Variants in GATA3 observed in about 807,000 individuals in gnomAD.
The protein encoded by GATA3 is trans-acting T-cell-specific transcription factor GATA-3.
In GATA3, 6 loss-of-function variants were observed where a neutral mutation model predicts 36.0. That is an observed-to-expected ratio of 0.17 (90% CI 0.09 to 0.33). The LOEUF is 0.33. Ranked by LOEUF, GATA3 falls within the 10% of genes least tolerant of loss-of-function variation. The pLI is 1.00. For missense variants in GATA3, 514 were observed against 610.1 expected (o/e 0.84, Z 1.66); for synonymous variants, 326 against 273.0 (o/e 1.19, Z -1.92).
upstream of GATA3, among the ~76,000 whole-genome samples, chr10:8,053,943 G>GCA (rs1564395911): frequency 6.6e-6 from 1 of 152,106 alleles, no homozygotes; most frequent in Non-Finnish European, 1.5e-5. This position sits in a 1 kb window ranked among gnomAD's most constrained non-coding sequence, Gnocchi z 5.1. Context: ...CAAGTCAAAA[G>GCA]CACACATTGA....
chr10:8,070,054 T>C (rs987638887), intron 5 of GATA3, among the ~76,000 whole-genome samples: 1 of 152,222 alleles, frequency 6.6e-6, no homozygotes, highest in Non-Finnish European at 1.5e-5. Flanking sequence ...ATTTGGTTAC[T>C]GAGAGGTAAA....
In GATA3 at chr10:8,054,958, A is replaced by C. The variant is rs1832597539; in HGVS notation, c.-370+67A>C. 6.3e-6 allele frequency: 1 copy of C among 158,202 alleles called. No individual in the cohort carries two copies. Among genetic ancestry groups the C allele is most frequent in the Non-Finnish European group, 1.4e-5 (1 of 71,876 alleles). 9.8% of individuals were successfully genotyped at this position (158,202 alleles called of 1,614,324 possible). ...TGCCCCCAACCACTTGGGAGGACCT[A>C]AATCAATTTTAAAAACTCAACTCTC... On this transcript the variant is annotated intron_variant, in intron 1 of 5. Coordinates refer to ENST00000379328, the MANE Select transcript of GATA3 (RefSeq NM_001002295.2). The surrounding 1 kb of genome is among the most constrained non-coding windows in gnomAD (Gnocchi z 4.2).
intron 2 of GATA3, among the ~76,000 whole-genome samples, chr10:8,058,020 C>T (rs1334720272): frequency 2.0e-5 from 3 of 152,188 alleles, no homozygotes; most frequent in Non-Finnish European, 2.9e-5. Flanking sequence ...CCTTCTCCCC[C>T]TCTGCAGCAA....
intron 3 of GATA3, among the ~76,000 whole-genome samples, chr10:8,060,950 C>T (rs1041284394): frequency 1.3e-5 from 2 of 152,016 alleles, no homozygotes; most frequent in Non-Finnish European, 2.9e-5. Flanking sequence ...GCAGGGGCGG[C>T]GAGCGAGCTG....
upstream of GATA3, chr10:8,052,621 A>G (rs1832526474): frequency 6.6e-6 from 1 of 152,052 alleles, no homozygotes; most frequent in African/African-American, 2.4e-5. Flanking sequence ...AGCATTTTTC[A>G]TTTTTTCTTT....
At chr10:8,056,247 C>T (rs1832636390) in intron 2 of GATA3, among the ~76,000 whole-genome samples, 1 of 152,158 alleles carries the variant, frequency 6.6e-6, no homozygotes, top group South Asian at 2.1e-4. Context: ...GGCTCTGCCT[C>T]CGCGGGTCCG....
At chr10:8,070,611 G>A (rs1034251584) in intron 5 of GATA3, among the ~76,000 whole-genome samples, 1 of 152,000 alleles carries the variant, frequency 6.6e-6, no homozygotes, top group African/African-American at 2.4e-5. Flanking sequence ...TGCTTGCGGC[G>A]GTTCTGGCAA....
intron 5 of GATA3, among the ~76,000 whole-genome samples, chr10:8,070,778 C>T (rs1429917059): frequency 2.0e-5 from 3 of 152,240 alleles, no homozygotes; most frequent in African/African-American, 7.2e-5. Flanking sequence ...GCCCTGTACG[C>T]TCATTCCCTG....
In GATA3 at chr10:8,058,179, C is replaced by T. The variant is rs1425290029; in HGVS notation, c.242-126C>T. The T allele has an allele frequency of 3.8e-6, 4 of 1,058,226 alleles. No individual in the cohort carries two copies. The African/African-American group carries it at 4.7e-5, about 12-fold the overall frequency. The allele number at this position is 1,058,226 out of a possible 1,614,324, so 65.6% of individuals were successfully genotyped here. On this transcript the variant is annotated intron_variant, in intron 2 of 5. Coordinates refer to ENST00000379328, the MANE Select transcript of GATA3 (RefSeq NM_001002295.2). Reference sequence around the variant, plus strand: ...GGACCGCCAGGATGAGAGAGTGGGCCTGAGCCCGGGCTTTTGCTGAAAAGG... The same window carrying T: ...GGACCGCCAGGATGAGAGAGTGGGCTTGAGCCCGGGCTTTTGCTGAAAAGG...
chr10:8,067,245 G>A (rs1301529368), intron 4 of GATA3, among the ~76,000 whole-genome samples: 1 of 152,196 alleles, frequency 6.6e-6, no homozygotes, highest in Non-Finnish European at 1.5e-5. Context: ...TTACATTCAA[G>A]ATGGACAGCA....
intron 4 of GATA3, among the ~76,000 whole-genome samples, chr10:8,066,267 A>G (rs751179799): frequency 1.1e-4 from 17 of 152,150 alleles, no homozygotes; most frequent in Non-Finnish European, 2.2e-4. Flanking sequence ...GGAAATCTCT[A>G]GAACTCTGAG....
At chr10:8,050,304 CG>C (rs1320562216), upstream of GATA3, 1 of 152,280 alleles carries the variant, frequency 6.6e-6, no homozygotes, top group African/African-American at 2.4e-5. Flanking sequence ...AAGGCCCCGC[CG>C]GGCCGCTCTC....
At position 8,055,558 on chromosome 10, in the gene GATA3, T is replaced by A; in HGVS notation, c.-98T>A. 1.7e-6 allele frequency: 2 copies of A among 1,196,700 alleles called. No homozygotes were observed. Among genetic ancestry groups the A allele is most frequent in the Non-Finnish European group, 2.2e-6 (2 of 918,520 alleles). The allele number at this position is 1,196,700 out of a possible 1,614,324, so 74.1% of individuals were successfully genotyped here. A position where few individuals can be genotyped will look rare whatever the true frequency, so the allele number is the denominator to read the frequency against. ...CAAATCATTCAACGACCCCCGACCC[T>A]CCGACGGCAGGAGCCCCCCGACCTC... On this transcript the variant is annotated 5_prime_UTR_variant, in exon 2 of 6. Coordinates refer to ENST00000379328, the MANE Select transcript of GATA3 (RefSeq NM_001002295.2). This position sits in a 1 kb window ranked among gnomAD's most constrained non-coding sequence, Gnocchi z 5.4.
rs773078501 is a variant in GATA3, at chr10:8,058,374, G to T, written c.311G>T (p.Gly104Val). 1 of 1,612,740 alleles carries T rather than the reference G, an allele frequency of 6.2e-7. No homozygotes were observed. The highest frequency in any genetic ancestry group is 8.5e-7 in the Non-Finnish European group (1 of 1,179,990). The stretch of plus-strand genomic sequence containing the variant: ...TGGCTGGACGGCGGCAAAGCCCTGG[G>T]CAGCCACCACACCGCCTCCCCCTGG... ...LPWLDGGKAL[G>V]SHHTASPWNL... The change falls in exon 3 of 6, where the codon GGC (glycine) becomes GTC (valine). Residue 104 changes from glycine (G) to valine (V), a missense_variant. Around this residue, in one of 3 missense-constraint regions of GATA3, gnomAD observed 381 missense variants for 354.3 expected, o/e 1.08. Transcript: ENST00000379328.
intron 5 of GATA3, among the ~76,000 whole-genome samples, chr10:8,069,823 C>T (rs1479997996): frequency 6.6e-6 from 1 of 151,952 alleles, no homozygotes; most frequent in African/African-American, 2.4e-5. Flanking sequence ...CCTTGGTATG[C>T]ATTGGACACT....
rs1449853269 is a variant in GATA3, at chr10:8,055,510, C to G, written c.-146C>G. On this transcript the variant is annotated 5_prime_UTR_variant, in exon 2 of 6. Coordinates refer to ENST00000379328, the MANE Select transcript of GATA3 (RefSeq NM_001002295.2). The surrounding 1 kb of genome is among the most constrained non-coding windows in gnomAD (Gnocchi z 5.4). ...TCCTTTGCTCACCTTTGCTTCCCAG[C>G]CTTCCCATCCCCCCACCGAAAGCAA... 1.1e-5 allele frequency: 10 copies of G among 874,890 alleles called. No homozygotes were observed. Among genetic ancestry groups the G allele is most frequent in the Non-Finnish European group, 1.7e-6 (1 of 576,944 alleles). 54.2% of individuals were successfully genotyped at this position (874,890 alleles called of 1,614,324 possible).
At position 8,074,477 on chromosome 10, in the gene GATA3, C is replaced by T. The variant is rs1273044168; in HGVS notation, c.*454C>T. 1 of 239,112 alleles carries T rather than the reference C, an allele frequency of 4.2e-6. No individual in the cohort carries two copies. The highest frequency in any genetic ancestry group is 8.2e-6 in the Non-Finnish European group (1 of 122,678). The allele number at this position is 239,112 out of a possible 1,614,324, so 14.8% of individuals were successfully genotyped here. The stretch of plus-strand genomic sequence containing the variant: ...TGCCAGTTTTGTTTCCTTTCACTGG[C>T]CACAGTTGTTTGATGCATTAAAAGA... On this transcript the variant is annotated 3_prime_UTR_variant, in exon 6 of 6. Transcript: ENST00000379328.
intron 5 of GATA3, among the ~76,000 whole-genome samples, chr10:8,072,082 A>C (rs1226340641): frequency 6.6e-6 from 1 of 152,086 alleles, no homozygotes; most frequent in Non-Finnish European, 1.5e-5. Context: ...TCTGGCAGTG[A>C]CCTTTCTGGG....
At chr10:8,046,722 T>C (rs1199695868) in intron 1 of GATA3, among the ~76,000 whole-genome samples, 1 of 150,268 alleles carries the variant, frequency 6.7e-6, no homozygotes, top group Admixed American at 6.6e-5. Flanking sequence ...GTTTGTGCCA[T>C]TCAGAAGAAC....
Sources: gnomAD v4.1 joint callset for allele counts (sites outside exome capture counted in the v4.1 genomes callset) on GRCh38, gnomAD v4.1.1 for gene constraint, gnomAD v4.1.1 regional missense constraint, Gnocchi (gnomAD v3.1) non-coding constraint, MANE v1.5 for transcripts, NCBI Gene and HGNC (gene_info 2026-07-23, HGNC 2026-07-21) for gene names.